The following SETD7 variants were observed in gnomAD, a reference collection of about 807,000 sequenced individuals.
SETD7 encodes the protein histone-lysine N-methyltransferase SETD7.
SETD7 carries 16 observed loss-of-function variants against 41.8 expected under a neutral mutation model. That is an observed-to-expected ratio of 0.38 (90% CI 0.26 to 0.58). SETD7 has a LOEUF of 0.58. Among genes scored for constraint, SETD7 ranks in the 20% least tolerant of loss-of-function variants. The pLI is 0.64. For synonymous variants in SETD7, 163 were observed against 169.7 expected, an observed-to-expected ratio of 0.96 and a Z score of 0.31; for missense variants, 346 against 459.7, an observed-to-expected ratio of 0.75 and a Z score of 2.26.
In SETD7 at chr4:139,540,023, C is replaced by T. The variant is rs6837110; in HGVS notation, c.171-6657G>A. On this transcript the variant is annotated intron_variant, in intron 2 of 7. Transcript: ENST00000274031. ...ATGGAATTTGTTGTAGCAGCCCAAACTAAGACACTCTCCTAATAATTATTA... is the reference window on the plus strand; with the variant it reads ...ATGGAATTTGTTGTAGCAGCCCAAATTAAGACACTCTCCTAATAATTATTA... 5.3e-3 allele frequency among the ~76,000 whole-genome samples: 801 copies of T among 152,242 alleles called. 9 individuals are homozygous for T. Among genetic ancestry groups the T allele is most frequent in the African/African-American group, 0.018 (766 of 41,540 alleles).
chr4:139,553,324 G>A (rs748154874), intron 1 of SETD7, among the ~76,000 whole-genome samples: 9 of 152,202 alleles, frequency 5.9e-5, no homozygotes, highest in Non-Finnish European at 1.3e-4. Context: ...AGCTATTGCA[G>A]AGGACACAGG....
downstream of SETD7, among the ~76,000 whole-genome samples, chr4:139,504,255 A>G (rs1484662239): frequency 6.6e-6 from 1 of 152,282 alleles, no homozygotes; most frequent in Non-Finnish European, 1.5e-5. Context: ...CGTGTACATT[A>G]TAAGAAGTGA....
chr4:139,545,327 T>C (rs1727907655), intron 2 of SETD7, among the ~76,000 whole-genome samples: 1 of 152,042 alleles, frequency 6.6e-6, no homozygotes, highest in Non-Finnish European at 1.5e-5. Flanking sequence ...GGTCTCACTA[T>C]GTTGCCCTGG....
chr4:139,496,519 C>A (rs1448511414), exon 8 of SETD7: 1 of 701,434 alleles, frequency 1.4e-6, no homozygotes, highest in Non-Finnish European at 2.6e-6. Context: ...ATTCTTCTGG[C>A]CACTGAAATT....
chr4:139,536,808 G>C (rs2111158783), intron 2 of SETD7, among the ~76,000 whole-genome samples: 1 of 152,114 alleles, frequency 6.6e-6, no homozygotes, highest in African/African-American at 2.4e-5. Flanking sequence ...TTTGAAACTA[G>C]CCTGGCCAAC....
intron 5 of SETD7, among the ~76,000 whole-genome samples, chr4:139,521,653 C>T (rs1328949715): frequency 1.3e-5 from 2 of 152,168 alleles, no homozygotes; most frequent in African/African-American, 2.4e-5. Flanking sequence ...GTGCCTCCCT[C>T]AGGGTGGGTG....
At position 139,519,084 on chromosome 4, in the gene SETD7, G is replaced by A. The variant is rs373084371; in HGVS notation, c.763-1042C>T. Among the ~76,000 whole-genome samples the A allele has an allele frequency of 5.3e-5, 8 of 152,306 alleles. No homozygotes were observed. In the South Asian group the frequency reaches 1.7e-3, roughly 32 times the overall value. ...TCTTCTAGGTGCAGGGGATACAGCA[G>A]TGATCAAAAGTGGAAAAAAGCCTCA... On this transcript the variant is annotated intron_variant, in intron 6 of 7. Transcript: ENST00000274031.
At chr4:139,549,551 C>T (rs929587143) in intron 1 of SETD7, among the ~76,000 whole-genome samples, 16 of 151,500 alleles carry the variant, frequency 1.1e-4, no homozygotes, top group African/African-American at 3.9e-4. Context: ...TCCCTCCCTC[C>T]TTCTCTCCTT....
At chr4:139,543,065 A>G (rs770602892) in intron 2 of SETD7, among the ~76,000 whole-genome samples, 7 of 152,258 alleles carry the variant, frequency 4.6e-5, no homozygotes, top group Non-Finnish European at 1.0e-4. Flanking sequence ...ACAAATCAGC[A>G]TAACAGGTTT....
Position 139,511,855 on chromosome 4 carries a change from G to A in SETD7, c.921-12C>T, listed in dbSNP as rs1329155425. The A allele has an allele frequency of 6.2e-7, 1 of 1,606,254 alleles. No individual in the cohort carries two copies. Among genetic ancestry groups the A allele is most frequent in the Admixed American group, 1.7e-5 (1 of 58,994 alleles). ...GGGGGTGGACAAACCTAAACATCAA[G>A]ATGCACACAGTCATTCCCGGGCCAG... On this transcript the variant is annotated splice_polypyrimidine_tract_variant and intron_variant, in intron 7 of 7. Transcript: ENST00000274031.
In SETD7 at chr4:139,548,702, G is replaced by A. The variant is rs184423863; in HGVS notation, c.41-1653C>T. ...TTAATTACATAAACATAAAATAGCTGCAAACAACTACAGTGTTTTATTGCT... is the reference window on the plus strand; with the variant it reads ...TTAATTACATAAACATAAAATAGCTACAAACAACTACAGTGTTTTATTGCT... On this transcript the variant is annotated intron_variant, in intron 1 of 7. Transcript: ENST00000274031. Among the ~76,000 whole-genome samples the A allele has an allele frequency of 5.9e-5, 9 of 152,276 alleles. No homozygotes were observed. The East Asian group carries it at 1.5e-3, about 26-fold the overall frequency.
At position 139,507,427 on chromosome 4, in the gene SETD7, G is replaced by A. The variant is rs983385723; in HGVS notation, c.*4236C>T. ...TTGCTGAGAGTCAGAGTTATTGTAG[G>A]CTTTTGATTTTTAAAAATCAAAATT... On this transcript the variant is annotated 3_prime_UTR_variant, in exon 8 of 8. Coordinates refer to ENST00000274031, the MANE Select transcript of SETD7 (RefSeq NM_030648.4). 6.6e-6 allele frequency: 1 copy of A among 152,536 alleles called. No homozygotes were observed. The highest frequency in any genetic ancestry group is 1.5e-5 in the Non-Finnish European group (1 of 68,026). 9.4% of individuals were successfully genotyped at this position (152,536 alleles called of 1,614,324 possible). A position where few individuals can be genotyped will look rare whatever the true frequency, so the allele number is the denominator to read the frequency against.
intron 6 of SETD7, among the ~76,000 whole-genome samples, chr4:139,519,610 G>A (rs755259553): frequency 7.2e-5 from 11 of 152,162 alleles, no homozygotes; most frequent in East Asian, 1.9e-4. Flanking sequence ...CTGTTCCACC[G>A]GAATAAATGC....
intron 1 of SETD7, among the ~76,000 whole-genome samples, chr4:139,554,257 C>T (rs750861683): frequency 6.6e-6 from 1 of 152,162 alleles, no homozygotes; most frequent in African/African-American, 2.4e-5. Flanking sequence ...TCCCTGTTTT[C>T]GAATCCAGTG....
At chr4:139,536,946 C>T (rs758104748) in intron 2 of SETD7, among the ~76,000 whole-genome samples, 63 of 152,206 alleles carry the variant, frequency 4.1e-4, no homozygotes, top group African/African-American at 1.4e-3. Flanking sequence ...GAGGTTGCAG[C>T]GAGCCGAGAT....
At position 139,533,158 on chromosome 4, in the gene SETD7, G is replaced by A. The variant is rs763756977; in HGVS notation, c.372+7C>T. On this transcript the variant is annotated splice_region_variant and intron_variant, in intron 3 of 7. Transcript: ENST00000274031. Reference sequence around the variant, plus strand: ...TTTCCAGCAGAGTGAACAGTCACACGGCTTACTGGGTAATATATCCAGCAC... The same window carrying A: ...TTTCCAGCAGAGTGAACAGTCACACAGCTTACTGGGTAATATATCCAGCAC... The A allele has an allele frequency of 8.7e-6, 14 of 1,609,246 alleles. No individual in the cohort carries two copies. The Middle Eastern group carries it at 5.0e-4, about 57-fold the overall frequency.
chr4:139,538,426 T>C (rs1033457881), intron 2 of SETD7, among the ~76,000 whole-genome samples: 2 of 152,076 alleles, frequency 1.3e-5, no homozygotes, highest in Admixed American at 6.6e-5. Flanking sequence ...ACCTCCTGGG[T>C]TCAAGCGATT....
intron 7 of SETD7, among the ~76,000 whole-genome samples, chr4:139,517,358 C>CCA (rs1727051763): frequency 6.6e-6 from 1 of 151,814 alleles, no homozygotes; most frequent in South Asian, 2.1e-4. Context: ...GCCTGTAATC[C>CCA]CAGCTACTTG....
rs1448688324 is a variant in SETD7, at chr4:139,511,459, C to T, written c.*204G>A. On this transcript the variant is annotated 3_prime_UTR_variant, in exon 8 of 8. Coordinates refer to ENST00000274031, the MANE Select transcript of SETD7 (RefSeq NM_030648.4). ...TGCTCGACAATACCTCTCAGTAGGA[C>T]GTTGTTGCAAGGCTAGCTAATTTTA... The T allele has an allele frequency of 7.5e-6, 6 of 802,182 alleles. No individual in the cohort carries two copies. The highest frequency in any genetic ancestry group is 7.0e-5 in the African/African-American group (4 of 57,252). 49.7% of individuals were successfully genotyped at this position (802,182 alleles called of 1,614,324 possible).
Sources: allele counts gnomAD v4.1 joint callset (sites outside exome capture counted in the v4.1 genomes callset), GRCh38; gene constraint gnomAD v4.1.1; transcripts MANE v1.5; gene names NCBI Gene and HGNC (gene_info 2026-07-23, HGNC 2026-07-21).